The following PCDHA6 variants were observed in gnomAD, a reference collection of about 807,000 sequenced individuals.
PCDHA6 encodes the protein protocadherin alpha-6.
Under a neutral mutation model 60.3 loss-of-function variants are expected in PCDHA6, and 55 were observed. The ratio of observed to expected loss-of-function variants is 0.91; its 90% confidence interval spans 0.73 to 1.14. The LOEUF is 1.14. Ranked by LOEUF, PCDHA6 falls within the 50% of genes most tolerant of loss-of-function variation. The probability of loss-of-function intolerance (pLI) is 0.00; values close to 1 mark genes in which losing one functional copy is unlikely to be tolerated. For synonymous variants in PCDHA6, 652 were observed against 557.9 expected (o/e 1.17, Z -2.38); for missense variants, 1,327 against 1,256.5 (o/e 1.06, Z -0.85).
At chr5:140,893,039 C>A (rs1024548713) in intron 1 of PCDHA6, among the ~76,000 whole-genome samples, 49 of 152,306 alleles carry the variant, frequency 3.2e-4, no homozygotes, top group African/African-American at 1.1e-3. Flanking sequence ...TAACATATGC[C>A]CTCCAGGCTC....
At chr5:140,978,827 G>T (rs2096825118) in intron 1 of PCDHA6, 122 bp from the exon 2 acceptor site, 2 of 1,528,744 alleles carry the variant, frequency 1.3e-6, no homozygotes, top group Admixed American at 2.0e-5. Flanking sequence ...ACATGAAATG[G>T]CTCATTCAAT....
intron 1 of PCDHA6, chr5:140,869,254 G>C (rs2050982255): frequency 6.2e-7 from 1 of 1,613,494 alleles, no homozygotes; most frequent in African/African-American, 1.3e-5. Flanking sequence ...CATCGCGCAG[G>C]ACCTGGGGCT....
chr5:140,906,786 A>G (rs1471436514), intron 1 of PCDHA6, among the ~76,000 whole-genome samples: 1 of 152,198 alleles, frequency 6.6e-6, no homozygotes, highest in Non-Finnish European at 1.5e-5. Flanking sequence ...GATCTTGTGT[A>G]TTCCATGCAT....
At chr5:140,921,435 A>C (rs997660613) in intron 1 of PCDHA6, among the ~76,000 whole-genome samples, 4 of 152,120 alleles carry the variant, frequency 2.6e-5, no homozygotes, top group African/African-American at 4.8e-5. Flanking sequence ...ATTTTCTTCA[A>C]TGGTGTCTGA....
chr5:140,836,286 C>A (rs146878440), intron 1 of PCDHA6: 2 of 1,613,774 alleles, frequency 1.2e-6, no homozygotes, highest in East Asian at 2.2e-5. Context: ...CAGCACGACA[C>A]GAGCCCTAGA....
chr5:140,846,597 A>G (rs930246175), intron 1 of PCDHA6, among the ~76,000 whole-genome samples: 2 of 148,430 alleles, frequency 1.3e-5, no homozygotes, highest in Non-Finnish European at 3.0e-5. Context: ...GATGGTCTCG[A>G]TCTCCTGACC....
intron 3 of PCDHA6, among the ~76,000 whole-genome samples, chr5:140,995,219 GT>G (rs1554254532): frequency 6.6e-6 from 1 of 152,072 alleles, no homozygotes; most frequent in East Asian, 1.9e-4. Flanking sequence ...CAATACTCTT[GT>G]GCTTTGGGGC....
intron 3 of PCDHA6, among the ~76,000 whole-genome samples, chr5:140,996,093 A>G (rs2097711389): frequency 6.6e-6 from 1 of 152,210 alleles, no homozygotes; most frequent in South Asian, 2.1e-4. Flanking sequence ...GCTAGATTAC[A>G]TGGAATGGTA....
chr5:140,911,792 T>C (rs1429471693), intron 1 of PCDHA6, among the ~76,000 whole-genome samples: 1 of 152,190 alleles, frequency 6.6e-6, no homozygotes, highest in Non-Finnish European at 1.5e-5. Context: ...TTTTTGGGTC[T>C]AATCATATTA....
At chr5:141,008,352 A>C (rs549122044) in intron 3 of PCDHA6, among the ~76,000 whole-genome samples, 2 of 152,322 alleles carry the variant, frequency 1.3e-5, no homozygotes, top group South Asian at 4.1e-4. Flanking sequence ...TTCACGTGTC[A>C]ACCAAAGGAG....
At chr5:140,855,306 T>C (rs2043421281) in intron 1 of PCDHA6, among the ~76,000 whole-genome samples, 1 of 149,750 alleles carries the variant, frequency 6.7e-6, no homozygotes, top group Admixed American at 6.7e-5. Context: ...AGTTATAAAA[T>C]TGGAACATGA....
intron 1 of PCDHA6, chr5:140,876,327 G>T: frequency 6.2e-7 from 1 of 1,614,026 alleles, no homozygotes. Flanking sequence ...AAATGATTTT[G>T]CCAGTGAGTG....
chr5:140,872,373 T>C (rs1437548177), intron 1 of PCDHA6, among the ~76,000 whole-genome samples: 3 of 152,182 alleles, frequency 2.0e-5, no homozygotes, highest in African/African-American at 4.8e-5. Flanking sequence ...AGGCCTGTAA[T>C]CCCAGCTATT....
At position 140,828,566 on chromosome 5, in the gene PCDHA6, G is replaced by A. The variant is rs148766603; in HGVS notation, c.475G>A (p.Asp159Asn). ...DSVFPLEGAS[D>N]ADVGSNSILT... is the part of the protein sequence containing the mutation. ...TGTGTTTCCACTGGAGGGCGCGTCCGATGCAGATGTTGGCTCAAATTCCAT... is the reference window on the plus strand; with the variant it reads ...TGTGTTTCCACTGGAGGGCGCGTCCAATGCAGATGTTGGCTCAAATTCCAT... The change falls in exon 1 of 4, where the codon GAT becomes AAT. Residue 159 changes from aspartate to asparagine, a missense_variant. Physicochemically the swap from Asp to Asn is conservative, Grantham distance 23. Transcript: ENST00000529310. 4 of 1,614,098 alleles carry A rather than the reference G, an allele frequency of 2.5e-6. No homozygotes were observed. The highest frequency in any genetic ancestry group is 1.3e-5 in the African/African-American group (1 of 74,932).
At chr5:140,984,031 CAT>C (rs2153832931) in intron 3 of PCDHA6, among the ~76,000 whole-genome samples, 1 of 152,260 alleles carries the variant, frequency 6.6e-6, no homozygotes, top group South Asian at 2.1e-4. Context: ...AGGGGAAAAA[CAT>C]AAAATAGTTC....
intron 1 of PCDHA6, among the ~76,000 whole-genome samples, chr5:140,917,805 T>C (rs2153545461): frequency 6.6e-6 from 1 of 152,328 alleles, no homozygotes; most frequent in African/African-American, 2.4e-5. Flanking sequence ...AGCCTTGCAG[T>C]ATAGTTGAAG....
At chr5:141,001,953 G>C (rs55743067) in intron 3 of PCDHA6, among the ~76,000 whole-genome samples, 27 of 152,290 alleles carry the variant, frequency 1.8e-4, no homozygotes, top group Non-Finnish European at 3.5e-4. Context: ...AAGGAGGAGG[G>C]AGAGGCGGGG....
intron 1 of PCDHA6, chr5:140,967,193 G>A (rs1190093681): frequency 6.2e-7 from 1 of 1,613,392 alleles, no homozygotes; most frequent in Non-Finnish European, 8.5e-7. Flanking sequence ...GGACATCAAC[G>A]ACAACTCACC....
In PCDHA6 at chr5:141,009,750, T is replaced by C; in HGVS notation, c.2666T>C (p.Ile889Thr). Residue 889 changes from isoleucine (I) to threonine (T), a missense_variant, in exon 4 of 4, where the codon ATT becomes ACT. By Grantham distance (89) the Ile-to-Thr change is moderately conservative. Coordinates refer to ENST00000529310, the MANE Select transcript of PCDHA6 (RefSeq NM_018909.4). ...CCCGGTGAGTTGCCCGACAAATTCA[T>C]TATCCCAGGATCTCCTGCAATCATC... ...SGPGELPDKF[I>T]IPGSPAIISI... 1.2e-6 allele frequency: 2 copies of C among 1,614,130 alleles called. No individual in the cohort carries two copies. The highest frequency in any genetic ancestry group is 3.3e-5 in the Admixed American group (2 of 60,026).
Sources: gnomAD v4.1 joint callset for allele counts (sites outside exome capture counted in the v4.1 genomes callset) on GRCh38, gnomAD v4.1.1 for gene constraint, MANE v1.5 for transcripts, NCBI Gene and HGNC (gene_info 2026-07-23, HGNC 2026-07-21) for gene names.